The following LGSN variants were observed in gnomAD, a reference collection of about 807,000 sequenced individuals.
The protein encoded by LGSN is lengsin, lens protein with glutamine synthetase domain.
In LGSN, 21 loss-of-function variants were observed where a neutral mutation model predicts 19.5. The ratio of observed to expected loss-of-function variants is 1.07; its 90% confidence interval spans 0.76 to 1.55. LGSN has a LOEUF of 1.55. Among genes scored for constraint, LGSN ranks in the 40% most tolerant of loss-of-function variants. The pLI is 0.00. For missense variants in LGSN, 673 were observed against 608.5 expected (o/e 1.11, Z -1.12); for synonymous variants, 257 against 215.6 (o/e 1.19, Z -1.68).
chr6:63,471,999 A>T, the LGSN span, among the ~76,000 whole-genome samples: 2 of 152,160 alleles, frequency 1.3e-5, no homozygotes, highest in Non-Finnish European at 1.5e-5. Context: ...TGTTTTATCC[A>T]GGATTATTTT....
At chr6:63,369,337 A>G in the LGSN span, among the ~76,000 whole-genome samples, 4 of 152,326 alleles carry the variant, frequency 2.6e-5, no homozygotes, top group Admixed American at 6.5e-5. Flanking sequence ...AACTGAAGGT[A>G]TTGAATATTA....
At chr6:63,572,587 A>G in the LGSN span, 29 of 415,788 alleles carry the variant, frequency 7.0e-5, no homozygotes, top group Middle Eastern at 6.1e-4. Context: ...CGCCGCCTGC[A>G]TCGCCGCCAC....
chr6:63,353,598 A>G, the LGSN span, among the ~76,000 whole-genome samples: 1 of 149,640 alleles, frequency 6.7e-6, no homozygotes, highest in Non-Finnish European at 1.5e-5. Flanking sequence ...CAAAAAAAAA[A>G]AAAAAAAAAG....
the LGSN span, among the ~76,000 whole-genome samples, chr6:63,390,379 C>T: frequency 9.9e-5 from 15 of 151,796 alleles, no homozygotes; most frequent in East Asian, 2.6e-3. Flanking sequence ...ATCCACCTGC[C>T]TTGGCCTCCC....
the LGSN span, among the ~76,000 whole-genome samples, chr6:63,430,598 G>A: frequency 2.0e-5 from 3 of 152,022 alleles, no homozygotes. Context: ...CATGTGGCTA[G>A]GCTGGTCTCA....
At chr6:63,563,460 T>A in the LGSN span, among the ~76,000 whole-genome samples, 4 of 152,186 alleles carry the variant, frequency 2.6e-5, no homozygotes, top group Non-Finnish European at 5.9e-5. Flanking sequence ...TTCATTCTCA[T>A]CATTTAGATC....
At chr6:63,424,842 T>C in the LGSN span, among the ~76,000 whole-genome samples, 1 of 151,850 alleles carries the variant, frequency 6.6e-6, no homozygotes, top group African/African-American at 2.4e-5. Flanking sequence ...AGTGCAGGAG[T>C]TCAAGGCTGC....
At chr6:63,534,780 A>AAAGAATTT in the LGSN span, among the ~76,000 whole-genome samples, 2 of 51,236 alleles carry the variant, frequency 3.9e-5, no homozygotes, top group African/African-American at 1.7e-4. Flanking sequence ...AAATTTCTTT[A>AAAGAATTT]CTAAAGAATT....
chr6:63,339,174 A>G, the LGSN span, among the ~76,000 whole-genome samples: 1 of 152,160 alleles, frequency 6.6e-6, no homozygotes, highest in Non-Finnish European at 1.5e-5. Flanking sequence ...TGTTCTGTAA[A>G]TGCCTGTTAA....
At chr6:63,421,872 A>G in the LGSN span, among the ~76,000 whole-genome samples, 2 of 152,360 alleles carry the variant, frequency 1.3e-5, no homozygotes, top group Non-Finnish European at 2.9e-5. Context: ...GGAGGGAAAG[A>G]AAAAAGAGGG....
the LGSN span, among the ~76,000 whole-genome samples, chr6:63,509,481 C>T: frequency 1.3e-4 from 20 of 151,894 alleles, no homozygotes; most frequent in South Asian, 4.2e-4. Flanking sequence ...ATTAGGTGTG[C>T]GCATGTTGTA....
chr6:63,384,952 A>G, the LGSN span, among the ~76,000 whole-genome samples: 7 of 152,372 alleles, frequency 4.6e-5, no homozygotes, highest in African/African-American at 1.7e-4. Flanking sequence ...AACAGAGGAA[A>G]GACTATGTGG....
At chr6:63,529,137 G>GTATATATATGTGTGTA in the LGSN span, among the ~76,000 whole-genome samples, 9 of 136,796 alleles carry the variant, frequency 6.6e-5, no homozygotes, top group African/African-American at 2.2e-4. Context: ...ATATGTGTGT[G>GTATATATATGTGTGTA]TATATATATA....
chr6:63,335,991 T>C, the LGSN span, among the ~76,000 whole-genome samples: 2 of 151,150 alleles, frequency 1.3e-5, no homozygotes, highest in South Asian at 2.1e-4. Flanking sequence ...GAAAGACAAA[T>C]ATTGAATATT....
chr6:63,536,902 C>G, the LGSN span, among the ~76,000 whole-genome samples: 1 of 151,916 alleles, frequency 6.6e-6, no homozygotes, highest in Non-Finnish European at 1.5e-5. Context: ...TAAAATTTTC[C>G]TCAAAGCAAA....
rs1420578202 is a variant in LGSN, at chr6:63,278,664, CT to C, written c.*1356del. On this transcript the variant is annotated 3_prime_UTR_variant, in exon 4 of 4. Coordinates refer to ENST00000370657, the MANE Select transcript of LGSN (RefSeq NM_016571.3). Reference sequence around the variant, plus strand: ...CAGGGGTCTCACTATGTGGTCCAGGCTGGACTCAAACTCCTGGCCTCAAGCA... The same window carrying C: ...CAGGGGTCTCACTATGTGGTCCAGGCGGACTCAAACTCCTGGCCTCAAGCA... 2 of 150,296 alleles carry C rather than the reference CT, an allele frequency of 1.3e-5. No homozygotes were observed. The highest frequency in any genetic ancestry group is 4.9e-5 in the African/African-American group (2 of 40,704). The allele number at this position is 150,296 out of a possible 1,614,324, so 9.3% of individuals were successfully genotyped here. A position where few individuals can be genotyped will look rare whatever the true frequency, so the allele number is the denominator to read the frequency against.
upstream of LGSN, among the ~76,000 whole-genome samples, chr6:63,323,107 A>T (rs142154585): frequency 6.1e-3 from 929 of 151,728 alleles, 12 homozygotes; most frequent in African/African-American, 0.021. Context: ...ATAAAGTTAA[A>T]TGAAGTCAGT....
At chr6:63,404,955 C>T in the LGSN span, among the ~76,000 whole-genome samples, 11 of 113,564 alleles carry the variant, frequency 9.7e-5, no homozygotes, top group East Asian at 3.2e-4. Context: ...TCCCTCCCCC[C>T]GCCCCCCACC....
chr6:63,449,317 C>A, the LGSN span, among the ~76,000 whole-genome samples: 9 of 152,110 alleles, frequency 5.9e-5, no homozygotes, highest in African/African-American at 1.7e-4. Context: ...GAGGCCGAGG[C>A]GGGCGGATCA....
Sources: allele counts gnomAD v4.1 joint callset (sites outside exome capture counted in the v4.1 genomes callset), GRCh38; gene constraint gnomAD v4.1.1; transcripts MANE v1.5; gene names NCBI Gene and HGNC (gene_info 2026-07-23, HGNC 2026-07-21).